MRTFA: variants seen among roughly 807,000 people sequenced by gnomAD.
MRTFA encodes myocardin related transcription factor A.
A neutral mutation model predicts 83.5 loss-of-function variants in MRTFA; 20 were observed. The observed-to-expected ratio is 0.24, with a 90% CI of 0.17 to 0.35. MRTFA has a LOEUF of 0.35. Ranked by LOEUF, MRTFA falls within the 10% of genes least tolerant of loss-of-function variation. MRTFA has a pLI of 1.00. For missense variants in MRTFA, 1,200 were observed against 1,224.7 expected (o/e 0.98, Z 0.30); for synonymous variants, 659 against 541.2 (o/e 1.22, Z -3.02).
chr22:40,554,287 G>C (rs1384606571), intron 2 of MRTFA, among the ~76,000 whole-genome samples: 1 of 152,128 alleles, frequency 6.6e-6, no homozygotes, highest in Admixed American at 6.5e-5. Context: ...TGTGATTTGG[G>C]AGGGGCCAGG....
At chr22:40,513,127 T>C in intron 3 of MRTFA, among the ~76,000 whole-genome samples, 1 of 152,178 alleles carries the variant, frequency 6.6e-6, no homozygotes, top group East Asian at 1.9e-4. Context: ...GATGAGCTTA[T>C]GAAAACAATT....
At chr22:40,583,277 A>G (rs1334530061) in intron 2 of MRTFA, among the ~76,000 whole-genome samples, 1 of 152,188 alleles carries the variant, frequency 6.6e-6, no homozygotes, top group Non-Finnish European at 1.5e-5. Flanking sequence ...ATGAAACCAT[A>G]GCTCCCTATG....
intron 3 of MRTFA, among the ~76,000 whole-genome samples, chr22:40,471,624 T>G (rs1014796081): frequency 1.3e-5 from 2 of 152,180 alleles, no homozygotes; most frequent in African/African-American, 4.8e-5. Context: ...AGCTCATGCT[T>G]GTAATTCCAG....
chr22:40,506,638 G>T (rs1020262084), intron 3 of MRTFA, among the ~76,000 whole-genome samples: 7 of 152,108 alleles, frequency 4.6e-5, no homozygotes, highest in Non-Finnish European at 1.5e-5. Context: ...AGAATCTTAG[G>T]CAAATAATAA....
intron 3 of MRTFA, among the ~76,000 whole-genome samples, chr22:40,484,843 C>T (rs1010707538): frequency 6.6e-6 from 1 of 151,902 alleles, no homozygotes; most frequent in African/African-American, 2.4e-5. Flanking sequence ...GAGGCCGACG[C>T]AGGCGGATCA....
intron 10 of MRTFA, 131 bp downstream of exon 10, chr22:40,420,716 C>G: frequency 6.5e-7 from 1 of 1,533,912 alleles, no homozygotes; most frequent in Non-Finnish European, 8.8e-7. Context: ...GCCCTGCCTG[C>G]AGACCACTCT....
At chr22:40,622,864 G>C (rs1168618625) in intron 1 of MRTFA, among the ~76,000 whole-genome samples, 1 of 152,218 alleles carries the variant, frequency 6.6e-6, no homozygotes, top group African/African-American at 2.4e-5. Context: ...AACTAATAGA[G>C]ATGGCTTGGA....
At chr22:40,428,222 CATGGGA>C (rs1336079343) in intron 7 of MRTFA, among the ~76,000 whole-genome samples, 2 of 152,156 alleles carry the variant, frequency 1.3e-5, no homozygotes, top group African/African-American at 4.8e-5. Context: ...TTGGGACCAG[CATGGGA>C]AGTGGGGCTA....
chr22:40,587,240 T>C (rs535580392), intron 2 of MRTFA: 2 of 480,724 alleles, frequency 4.2e-6, no homozygotes, highest in East Asian at 6.0e-5. Flanking sequence ...GTCTAACTTC[T>C]AGAAAGCACT....
At chr22:40,448,784 G>C (rs558296594) in intron 4 of MRTFA, among the ~76,000 whole-genome samples, 29 of 152,178 alleles carry the variant, frequency 1.9e-4, no homozygotes, top group African/African-American at 7.0e-4. Flanking sequence ...ACATCCTTTG[G>C]CCCTAGCATT....
intron 3 of MRTFA, among the ~76,000 whole-genome samples, chr22:40,476,684 C>A (rs1215485054): frequency 6.6e-6 from 1 of 152,060 alleles, no homozygotes; most frequent in African/African-American, 2.4e-5. Flanking sequence ...AACTCCTGGG[C>A]TCAAATGATC....
chr22:40,515,207 T>C (rs932965875), intron 3 of MRTFA, among the ~76,000 whole-genome samples: 14 of 152,108 alleles, frequency 9.2e-5, no homozygotes, highest in African/African-American at 2.6e-4. Context: ...GTGCCCGGCC[T>C]TCTCCAATAT....
intron 4 of MRTFA, among the ~76,000 whole-genome samples, chr22:40,449,230 A>G (rs1395193425): frequency 6.7e-6 from 1 of 150,050 alleles, no homozygotes; most frequent in African/African-American, 2.5e-5. Flanking sequence ...TTGCGCCACT[A>G]CACTCCAGCC....
In MRTFA at chr22:40,416,608, C is replaced by A. The variant is rs532179471; in HGVS notation, c.2578+378G>T. ...CAGGAGACATCCTGGACCTTCCCCA[C>A]CAGGCTCCCCAGACCTCTCCCTCTC... On this transcript the variant is annotated intron_variant, in intron 14 of 14. Transcript: ENST00000355630. The surrounding 1 kb of genome is among the most constrained non-coding windows in gnomAD (Gnocchi z 4.2). 1.3e-5 allele frequency among the ~76,000 whole-genome samples: 2 copies of A among 152,300 alleles called. No individual in the cohort carries two copies. Among genetic ancestry groups the A allele is most frequent in the East Asian group, 3.9e-4 (2 of 5,178 alleles).
At chr22:40,555,607 C>T (rs1346661460) in intron 2 of MRTFA, among the ~76,000 whole-genome samples, 1 of 150,590 alleles carries the variant, frequency 6.6e-6, no homozygotes, top group African/African-American at 2.4e-5. Context: ...TATATATCTC[C>T]ACTCACTGAA....
chr22:40,571,214 A>T (rs1484705670), intron 2 of MRTFA, among the ~76,000 whole-genome samples: 1 of 151,942 alleles, frequency 6.6e-6, no homozygotes, highest in Non-Finnish European at 1.5e-5. Flanking sequence ...TCTCAAAAAA[A>T]ATAAAATAAA....
intron 2 of MRTFA, among the ~76,000 whole-genome samples, chr22:40,579,125 G>A (rs1255341730): frequency 6.6e-6 from 1 of 151,966 alleles, no homozygotes; most frequent in Non-Finnish European, 1.5e-5. Context: ...AAGAAGAATG[G>A]CAGAAAGGAA....
intron 3 of MRTFA, among the ~76,000 whole-genome samples, chr22:40,510,745 T>C (rs1026979241): frequency 1.4e-4 from 21 of 151,802 alleles, no homozygotes; most frequent in African/African-American, 5.1e-4. Flanking sequence ...GCAGTAAACA[T>C]AAGGAGAGCA....
At chr22:40,477,213 G>A (rs2054013373) in intron 3 of MRTFA, among the ~76,000 whole-genome samples, 1 of 150,630 alleles carries the variant, frequency 6.6e-6, no homozygotes, top group South Asian at 2.1e-4. Flanking sequence ...AGCCGGGCAT[G>A]GTGGCGGGCA....
Sources: allele counts gnomAD v4.1 joint callset (sites outside exome capture counted in the v4.1 genomes callset), GRCh38; gene constraint gnomAD v4.1.1; non-coding constraint Gnocchi (gnomAD v3.1); transcripts MANE v1.5; gene names NCBI Gene and HGNC (gene_info 2026-07-23, HGNC 2026-07-21).